ANK3: variants seen among roughly 807,000 people sequenced by gnomAD.
The protein encoded by ANK3 is ankyrin 3.
ANK3 carries 57 observed loss-of-function variants against 370.9 expected under a neutral mutation model. The observed-to-expected ratio is 0.15, with a 90% confidence interval of 0.12 to 0.19. The LOEUF (loss-of-function observed/expected upper bound fraction) is 0.19. Ranked by LOEUF, ANK3 falls within the 10% of genes least tolerant of loss-of-function variation. ANK3 has a pLI of 1.00. For synonymous variants in ANK3, 1,929 were observed against 1,946.3 expected, an observed-to-expected ratio of 0.99 and a Z score of 0.23; for missense variants, 4,439 against 5,302.1, an observed-to-expected ratio of 0.84 and a Z score of 5.06.
chr10:60,055,609 C>G (rs4948384), intron 42 of ANK3, 49 bp downstream of exon 42: 1 of 1,535,402 alleles, frequency 6.5e-7, no homozygotes, highest in South Asian at 1.3e-5. Flanking sequence ...AAGTAAAGCA[C>G]CGATACTTTC....
At chr10:60,594,047 G>A (rs1398616484) in intron 2 of ANK3, among the ~76,000 whole-genome samples, 1 of 152,108 alleles carries the variant, frequency 6.6e-6, no homozygotes, top group Non-Finnish European at 1.5e-5. Flanking sequence ...GCAAATGACC[G>A]ATATTCATAG....
At chr10:60,224,912 T>C (rs896034412) in intron 8 of ANK3, among the ~76,000 whole-genome samples, 3 of 149,376 alleles carry the variant, frequency 2.0e-5, no homozygotes, top group East Asian at 3.9e-4. Flanking sequence ...TCTTTTTCTT[T>C]CTTTTTTTTT....
intron 1 of ANK3, among the ~76,000 whole-genome samples, chr10:60,723,555 C>A (rs569555171): frequency 2.6e-5 from 4 of 152,232 alleles, no homozygotes; most frequent in South Asian, 2.1e-4. Flanking sequence ...AGCTTCTATA[C>A]CTATCATTAA....
intron 2 of ANK3, among the ~76,000 whole-genome samples, chr10:60,475,771 C>A (rs887397660): frequency 6.6e-6 from 1 of 152,158 alleles, no homozygotes; most frequent in African/African-American, 2.4e-5. Context: ...AAGACTCTGG[C>A]CATATCCCAC....
At chr10:60,417,688 G>C (rs1003414385) in intron 2 of ANK3, among the ~76,000 whole-genome samples, 2 of 152,150 alleles carry the variant, frequency 1.3e-5, no homozygotes, top group African/African-American at 4.8e-5. Flanking sequence ...CTACTGGAGG[G>C]ACACAGACTG....
At chr10:60,035,180 G>A (rs974873613) in intron 43 of ANK3, among the ~76,000 whole-genome samples, 11 of 152,024 alleles carry the variant, frequency 7.2e-5, no homozygotes, top group East Asian at 1.9e-4. Flanking sequence ...ATAACCCTGA[G>A]GTACTATTAT....
chr10:60,478,542 T>G (rs1161305786), intron 2 of ANK3, among the ~76,000 whole-genome samples: 1 of 152,064 alleles, frequency 6.6e-6, no homozygotes, highest in Admixed American at 6.6e-5. Context: ...GTACAGATCA[T>G]TAATATAAGC....
intron 1 of ANK3, among the ~76,000 whole-genome samples, chr10:60,633,816 C>A (rs1221209948): frequency 2.6e-5 from 4 of 152,158 alleles, no homozygotes; most frequent in Non-Finnish European, 4.4e-5. Context: ...ATATTGGGTT[C>A]TCTCTTTTTC....
chr10:60,071,916 C>T lies in ANK3; in HGVS notation c.8965G>A (p.Glu2989Lys), dbSNP rs142195181. 6.2e-7 allele frequency: 1 copy of T among 1,614,006 alleles called. No individual in the cohort carries two copies. The highest frequency in any genetic ancestry group is 8.5e-7 in the Non-Finnish European group (1 of 1,179,980). Residue 2989 changes from glutamate (E) to lysine (K), a missense_variant, in exon 37 of 44, where the codon GAA becomes AAA. Transcript: ENST00000280772. ...GACTGGGACAATTTTTGTGATAGTT[C>T]ATGTTTTGGAAATGCCGACTGTTCA... ...FCEQSAFPKH[E>K]LSQKLSQSSM...
chr10:60,682,833 T>A (rs968616847), intron 1 of ANK3, among the ~76,000 whole-genome samples: 1 of 152,230 alleles, frequency 6.6e-6, no homozygotes, highest in Non-Finnish European at 1.5e-5. Flanking sequence ...ATGTCCTTTA[T>A]AATAAACCAG....
At chr10:60,298,183 T>A (rs1191683194) in intron 1 of ANK3, among the ~76,000 whole-genome samples, 1 of 152,178 alleles carries the variant, frequency 6.6e-6, no homozygotes, top group Non-Finnish European at 1.5e-5. Context: ...TATTAGAGTC[T>A]AGGTTTTTTT....
chr10:60,695,759 G>A (rs981205298), intron 1 of ANK3, among the ~76,000 whole-genome samples: 6 of 152,324 alleles, frequency 3.9e-5, no homozygotes, highest in Admixed American at 1.3e-4. Context: ...GCAGTGTGTA[G>A]AGGGAAATTT....
In ANK3 at chr10:60,069,106, T is replaced by C. The variant is rs2082202322; in HGVS notation, c.11775A>G (p.Ala3925=). 13 of 1,614,032 alleles carry C rather than the reference T, an allele frequency of 8.1e-6. No individual in the cohort carries two copies. Among genetic ancestry groups the C allele is most frequent in the Non-Finnish European group, 1.0e-5 (12 of 1,180,018 alleles). ...VKNTHRDNII[A]VRKACATQKQ... ...TTTGTGTGGCACATGCTTTTCTAACTGCAATTATGTTATCCCTGTGTGTGT... is the reference window on the plus strand; with the variant it reads ...TTTGTGTGGCACATGCTTTTCTAACCGCAATTATGTTATCCCTGTGTGTGT... The change falls in exon 37 of 44, where the codon GCA becomes GCG. Residue 3925 remains alanine (A), a synonymous_variant. Transcript: ENST00000280772.
chr10:60,176,839 C>T (rs1412057819), intron 18 of ANK3, among the ~76,000 whole-genome samples: 1 of 152,086 alleles, frequency 6.6e-6, no homozygotes, highest in Non-Finnish European at 1.5e-5. Context: ...ATTTTTCTTT[C>T]CTCTGGCATG....
chr10:60,057,630 T>A (rs1380023470), intron 41 of ANK3, among the ~76,000 whole-genome samples: 1 of 152,216 alleles, frequency 6.6e-6, no homozygotes, highest in Non-Finnish European at 1.5e-5. Flanking sequence ...CTACCCTGCA[T>A]ATTCTGATAA....
At chr10:60,030,748 T>C (rs894286044) in intron 43 of ANK3, among the ~76,000 whole-genome samples, 1 of 152,210 alleles carries the variant, frequency 6.6e-6, no homozygotes, top group African/African-American at 2.4e-5. Flanking sequence ...TGTCTCCTTG[T>C]CAGTCAAGTG....
At chr10:60,476,951 A>G (rs1024309211) in intron 2 of ANK3, among the ~76,000 whole-genome samples, 3 of 152,162 alleles carry the variant, frequency 2.0e-5, no homozygotes, top group Non-Finnish European at 4.4e-5. Flanking sequence ...ACTGTTTATG[A>G]GCATCTTCCA....
At chr10:60,535,842 T>A (rs959174044) in intron 2 of ANK3, among the ~76,000 whole-genome samples, 3 of 151,532 alleles carry the variant, frequency 2.0e-5, no homozygotes, top group Non-Finnish European at 4.4e-5. Context: ...GAAAAAAAAA[T>A]TGTATACAGA....
At chr10:60,146,234 G>T (rs2094816564) in intron 23 of ANK3, among the ~76,000 whole-genome samples, 1 of 152,150 alleles carries the variant, frequency 6.6e-6, no homozygotes, top group African/African-American at 2.4e-5. Flanking sequence ...TACCTTACAT[G>T]CCTCTTTAAG....
Sources: allele counts gnomAD v4.1 joint callset (sites outside exome capture counted in the v4.1 genomes callset), GRCh38; gene constraint gnomAD v4.1.1; transcripts MANE v1.5; gene names NCBI Gene and HGNC (gene_info 2026-07-23, HGNC 2026-07-21).